Variants in GNB5 observed in about 807,000 individuals in gnomAD.
GNB5 encodes guanine nucleotide-binding protein subunit beta-5.
GNB5 carries 37 observed loss-of-function variants against 55.3 expected under a neutral mutation model. That is an observed-to-expected ratio of 0.67 (90% CI 0.51 to 0.88). The LOEUF is 0.88. GNB5 is among the 40% of genes least tolerant of loss of function. The probability of loss-of-function intolerance (pLI) is 0.00; values close to 1 mark genes in which losing one functional copy is unlikely to be tolerated. For synonymous variants in GNB5, 219 were observed against 198.5 expected (o/e 1.10, Z -0.87); for missense variants, 476 against 515.3 (o/e 0.92, Z 0.74).
At chr15:52,165,079 C>T (rs980110714) in intron 3 of GNB5, among the ~76,000 whole-genome samples, 1 of 152,146 alleles carries the variant, frequency 6.6e-6, no homozygotes, top group African/African-American at 2.4e-5. Context: ...CAAGTAACAA[C>T]AGCTGAACAG....
chr15:52,166,363 C>T (rs1201247695), intron 3 of GNB5, among the ~76,000 whole-genome samples: 1 of 152,178 alleles, frequency 6.6e-6, no homozygotes, highest in Non-Finnish European at 1.5e-5. Flanking sequence ...CTACAGAATT[C>T]TCCATCCAAA....
At chr15:52,177,962 C>T (rs889896156) in intron 3 of GNB5, among the ~76,000 whole-genome samples, 3 of 152,212 alleles carry the variant, frequency 2.0e-5, no homozygotes, top group African/African-American at 7.2e-5. Flanking sequence ...AAAAAAGTTT[C>T]TTCTTTTGGA....
At chr15:52,153,914 C>G in intron 4 of GNB5, 26 bp downstream of exon 4, 1 of 1,597,854 alleles carries the variant, frequency 6.3e-7, no homozygotes, top group African/African-American at 1.3e-5. Flanking sequence ...AACCCGCTCA[C>G]CTGTTATGCA....
intron 3 of GNB5, among the ~76,000 whole-genome samples, chr15:52,161,891 A>C (rs1047628349): frequency 2.0e-5 from 3 of 152,218 alleles, no homozygotes; most frequent in African/African-American, 7.2e-5. Context: ...TTACCTGTAG[A>C]AGTCTCCCCC....
chr15:52,156,342 C>T (rs1158084510), intron 3 of GNB5, among the ~76,000 whole-genome samples: 1 of 152,214 alleles, frequency 6.6e-6, no homozygotes, highest in Non-Finnish European at 1.5e-5. Flanking sequence ...CTCCATGGAA[C>T]TAAAAGTTCC....
Position 52,136,165 on chromosome 15 carries a change from CACACACA to C in GNB5, c.628-416_628-410del, listed in dbSNP as rs1344651666. Among the ~76,000 whole-genome samples the C allele has an allele frequency of 3.6e-3, 440 of 123,164 alleles. 3 individuals carry two copies. Among genetic ancestry groups the C allele is most frequent in the Non-Finnish European group, 4.6e-3 (262 of 56,576 alleles). 80.8% of individuals were successfully genotyped at this position (123,164 alleles called of 152,430 possible). ...ACACACACACACACACACACACACA[CACACACA>C]CCCTACCTGCTGTATCTGGGTTCAT... On this transcript the variant is annotated intron_variant, in intron 7 of 12. Coordinates refer to ENST00000261837, the MANE Select transcript of GNB5 (RefSeq NM_016194.4).
At chr15:52,179,988 C>T (rs1459094199) in intron 2 of GNB5, 109 bp from the exon 3 acceptor site, 3 of 1,287,528 alleles carry the variant, frequency 2.3e-6, no homozygotes, top group African/African-American at 3.2e-5. Flanking sequence ...CCCCGCGGCC[C>T]CGCCCTCCGC....
chr15:52,169,562 A>AAAAAC (rs1566947329), intron 3 of GNB5, among the ~76,000 whole-genome samples: 1 of 145,274 alleles, frequency 6.9e-6, no homozygotes. Flanking sequence ...AAAAAAAAAA[A>AAAAAC]AGAAAAGAAG....
intron 4 of GNB5, among the ~76,000 whole-genome samples, chr15:52,150,639 C>T (rs971417765): frequency 6.6e-6 from 1 of 152,266 alleles, no homozygotes; most frequent in African/African-American, 2.4e-5. Flanking sequence ...AGGGTGAACG[C>T]AGAGCTGGCC....
At chr15:52,166,789 C>T (rs1176526364) in intron 3 of GNB5, among the ~76,000 whole-genome samples, 1 of 151,714 alleles carries the variant, frequency 6.6e-6, no homozygotes, top group Non-Finnish European at 1.5e-5. Flanking sequence ...GAACCAAGAG[C>T]AAAAAACCCC....
chr15:52,172,720 C>T (rs796721181), intron 3 of GNB5, among the ~76,000 whole-genome samples: 5 of 152,180 alleles, frequency 3.3e-5, no homozygotes, highest in African/African-American at 1.2e-4. Flanking sequence ...GAACCATGAT[C>T]GGGCCACTGT....
chr15:52,179,261 G>A (rs2034713065), intron 3 of GNB5, among the ~76,000 whole-genome samples: 1 of 152,144 alleles, frequency 6.6e-6, no homozygotes, highest in Non-Finnish European at 1.5e-5. Flanking sequence ...CAAGGATAGG[G>A]GAGAGGTTGG....
At chr15:52,137,672 G>A in intron 7 of GNB5, 1 of 1,176,964 alleles carries the variant, frequency 8.5e-7, no homozygotes, top group Non-Finnish European at 1.1e-6. Flanking sequence ...CAGTGTGTAT[G>A]AGGCCTGGGC....
rs1214414676 is a variant in GNB5 at position 52,119,862 on chromosome 15, C to G, written c.*2895G>C. On this transcript the variant is annotated 3_prime_UTR_variant, in exon 13 of 13. Transcript: ENST00000261837. ...GCCTGGCAACTATGAGAGCCCGGGA[C>G]ACAAAGGCCCTTACAACCCTGTGCT... 5 of 152,198 alleles carry G rather than the reference C, an allele frequency of 3.3e-5. No individual in the cohort carries two copies. 9.4% of individuals were successfully genotyped at this position (152,198 alleles called of 1,614,324 possible).
intron 3 of GNB5, among the ~76,000 whole-genome samples, chr15:52,162,096 T>C (rs2034348599): frequency 1.3e-5 from 2 of 152,080 alleles, no homozygotes; most frequent in Admixed American, 6.5e-5. Flanking sequence ...GTGAGCCACA[T>C]CAAGCCCCCT....
chr15:52,180,406 C>T (rs1261630597), intron 2 of GNB5: 1 of 152,350 alleles, frequency 6.6e-6, no homozygotes, highest in Non-Finnish European at 1.5e-5. Flanking sequence ...CCGCAGGTAG[C>T]TACGGTGCTC....
intron 3 of GNB5, among the ~76,000 whole-genome samples, chr15:52,158,303 A>G (rs949872789): frequency 2.6e-5 from 4 of 152,198 alleles, no homozygotes; most frequent in African/African-American, 7.2e-5. Context: ...GGGGACAACT[A>G]TTCAAGCCTG....
chr15:52,135,954 A>G (rs1188732362), intron 7 of GNB5, 198 bp from the exon 8 acceptor site: 1 of 521,866 alleles, frequency 1.9e-6, no homozygotes, highest in Non-Finnish European at 3.3e-6. Context: ...AGAAGGAAAG[A>G]GTGCATTTCC....
At chr15:52,157,250 CTTTTT>C (rs74508387) in intron 3 of GNB5, among the ~76,000 whole-genome samples, 4 of 111,118 alleles carry the variant, frequency 3.6e-5, no homozygotes, top group African/African-American at 1.3e-4. Flanking sequence ...TCTTATAGGC[CTTTTT>C]TTTTTTTTTG....
Sources: allele counts gnomAD v4.1 joint callset (sites outside exome capture counted in the v4.1 genomes callset), GRCh38; gene constraint gnomAD v4.1.1; transcripts MANE v1.5; gene names NCBI Gene and HGNC (gene_info 2026-07-23, HGNC 2026-07-21).